EPHA6: variants seen among roughly 807,000 people sequenced by gnomAD.
EPHA6 encodes the protein ephrin type-A receptor 6.
In EPHA6, 50 loss-of-function variants were observed where a neutral mutation model predicts 112.0. That is an observed-to-expected ratio of 0.45 (90% confidence interval 0.36 to 0.56). EPHA6 has a LOEUF of 0.56. Among genes scored for constraint, EPHA6 ranks in the 20% least tolerant of loss-of-function variants. The pLI is 0.00. For synonymous variants in EPHA6, 529 were observed against 490.7 expected (o/e 1.08, Z -1.03); for missense variants, 1,280 against 1,417.4 (o/e 0.90, Z 1.56).
chr3:96,932,683 T>C (rs1240533303), intron 2 of EPHA6, among the ~76,000 whole-genome samples: 1 of 152,146 alleles, frequency 6.6e-6, no homozygotes, highest in African/African-American at 2.4e-5. Context: ...AGCAGGTTTA[T>C]TTGGAAAGCC....
chr3:97,151,392 A>T (rs1329107897), intron 3 of EPHA6, among the ~76,000 whole-genome samples: 1 of 152,142 alleles, frequency 6.6e-6, no homozygotes, highest in Non-Finnish European at 1.5e-5. Flanking sequence ...GTTTTGCATA[A>T]TTTTTGTGTT....
intron 2 of EPHA6, among the ~76,000 whole-genome samples, chr3:96,904,860 A>G (rs2038842238): frequency 6.6e-6 from 1 of 152,136 alleles, no homozygotes; most frequent in African/African-American, 2.4e-5. Flanking sequence ...TAGCTATCAA[A>G]TAAATTAAAA....
chr3:97,610,137 C>T (rs898122038), intron 12 of EPHA6, among the ~76,000 whole-genome samples: 11 of 151,534 alleles, frequency 7.3e-5, no homozygotes, highest in African/African-American at 2.4e-4. Context: ...ATCAGAGTTA[C>T]TTATTTTTCA....
intron 11 of EPHA6, among the ~76,000 whole-genome samples, chr3:97,538,371 G>C (rs1156851153): frequency 6.6e-6 from 1 of 152,150 alleles, no homozygotes; most frequent in Non-Finnish European, 1.5e-5. Flanking sequence ...TAAGTAAAAA[G>C]ATGGAGAGGG....
At chr3:97,239,082 CA>C (rs2078765917) in intron 4 of EPHA6, among the ~76,000 whole-genome samples, 1 of 151,770 alleles carries the variant, frequency 6.6e-6, no homozygotes, top group African/African-American at 2.4e-5. Context: ...AAAGTAGGTG[CA>C]AGCATATCAA....
chr3:97,350,864 G>A (rs1559911393), intron 5 of EPHA6, among the ~76,000 whole-genome samples: 2 of 151,914 alleles, frequency 1.3e-5, no homozygotes, highest in Non-Finnish European at 2.9e-5. Context: ...TTGCTAACAG[G>A]GTCTAATTAG....
intron 16 of EPHA6, 130 bp downstream of exon 16, chr3:97,736,248 A>G (rs2035247085): frequency 1.7e-6 from 1 of 575,124 alleles, no homozygotes; most frequent in Non-Finnish European, 2.8e-6. Context: ...TGTGGAAACC[A>G]TATTTCATTT....
intron 5 of EPHA6, among the ~76,000 whole-genome samples, chr3:97,244,868 A>G (rs1357537493): frequency 6.6e-6 from 1 of 152,012 alleles, no homozygotes; most frequent in African/African-American, 2.4e-5. Flanking sequence ...TCTCTTTATA[A>G]CATCATAGAT....
At chr3:97,006,880 C>T (rs917170190) in intron 3 of EPHA6, among the ~76,000 whole-genome samples, 4 of 152,184 alleles carry the variant, frequency 2.6e-5, no homozygotes, top group African/African-American at 9.7e-5. Flanking sequence ...CATTCAGGAG[C>T]AGGTTGTTCA....
chr3:97,603,563 A>G (rs1204609860), intron 12 of EPHA6, among the ~76,000 whole-genome samples: 1 of 151,882 alleles, frequency 6.6e-6, no homozygotes, highest in Non-Finnish European at 1.5e-5. Flanking sequence ...GACTATATAA[A>G]CTGAGGGTTT....
chr3:97,488,004 T>C (rs13320168), intron 10 of EPHA6, among the ~76,000 whole-genome samples: 10,361 of 152,226 alleles, frequency 0.068, 1,099 homozygotes, highest in African/African-American at 0.23. Flanking sequence ...CATTGAAAGG[T>C]TGTCCCTCTT....
intron 14 of EPHA6, among the ~76,000 whole-genome samples, chr3:97,640,261 G>C (rs969337813): frequency 2.0e-5 from 3 of 151,866 alleles, no homozygotes; most frequent in Non-Finnish European, 4.4e-5. Context: ...TGGAGAAGAA[G>C]AAAGAAAAAA....
At chr3:97,054,194 AC>A (rs1030258295) in intron 3 of EPHA6, among the ~76,000 whole-genome samples, 6 of 150,440 alleles carry the variant, frequency 4.0e-5, no homozygotes, top group East Asian at 1.9e-4. Flanking sequence ...ACACACACAC[AC>A]AACAGATTAA....
chr3:96,995,927 A>G (rs1213965132), intron 3 of EPHA6, among the ~76,000 whole-genome samples: 2 of 152,130 alleles, frequency 1.3e-5, no homozygotes, highest in Non-Finnish European at 2.9e-5. Flanking sequence ...GAAGTTAGCC[A>G]CTTCAGTTGA....
chr3:97,394,088 T>C lies in EPHA6; in HGVS notation c.1607-11062T>C, dbSNP rs1017299767. 1.1e-4 allele frequency among the ~76,000 whole-genome samples: 16 copies of C among 151,874 alleles called. No homozygotes were observed. In the East Asian group the frequency reaches 3.1e-3, roughly 29 times the overall value. ...TCATTTCCTTTGGCTATTTACCCAG[T>C]ACTGGAATTGTTGGAAATATCTCCA... On this transcript the variant is annotated intron_variant, in intron 5 of 17. Transcript: ENST00000389672.
chr3:96,936,560 A>C (rs1315795092), intron 2 of EPHA6, among the ~76,000 whole-genome samples: 1 of 151,528 alleles, frequency 6.6e-6, no homozygotes, highest in Non-Finnish European at 1.5e-5. Flanking sequence ...GAAATGTATA[A>C]TATTGCTCTT....
At chr3:96,927,076 TC>T (rs1316830103) in intron 2 of EPHA6, among the ~76,000 whole-genome samples, 1 of 152,194 alleles carries the variant, frequency 6.6e-6, no homozygotes, top group Non-Finnish European at 1.5e-5. Context: ...AGGCAGAGGT[TC>T]CCGAACCTTA....
intron 10 of EPHA6, among the ~76,000 whole-genome samples, chr3:97,513,045 T>A (rs992633635): frequency 7.2e-5 from 11 of 152,226 alleles, no homozygotes; most frequent in African/African-American, 2.2e-4. Context: ...GTGTCTATCA[T>A]GAGGACATAT....
intron 2 of EPHA6, among the ~76,000 whole-genome samples, chr3:96,897,794 G>T (rs1298417085): frequency 6.6e-6 from 1 of 152,108 alleles, no homozygotes; most frequent in East Asian, 1.9e-4. Flanking sequence ...TGAGTATGTT[G>T]ATTGACAATG....
Sources: allele counts gnomAD v4.1 joint callset (sites outside exome capture counted in the v4.1 genomes callset), GRCh38; gene constraint gnomAD v4.1.1; transcripts MANE v1.5; gene names NCBI Gene and HGNC (gene_info 2026-07-23, HGNC 2026-07-21).